The following UGT1A8 variants were observed in gnomAD, a reference collection of about 807,000 sequenced individuals.
The protein encoded by UGT1A8 is UDP glucuronosyltransferase family 1 member A8, also known as UDP-glucuronosyltransferase 1A8.
UGT1A8 carries 39 observed loss-of-function variants against 45.3 expected under a neutral mutation model. The ratio of observed to expected loss-of-function variants is 0.86; its 90% CI spans 0.67 to 1.12. UGT1A8 has a LOEUF of 1.12. Ranked by LOEUF, UGT1A8 falls within the 50% of genes most tolerant of loss-of-function variation. UGT1A8 has a pLI of 0.00. For synonymous variants in UGT1A8, 275 were observed against 249.2 expected, an observed-to-expected ratio of 1.10 and a Z score of -0.97; for missense variants, 719 against 664.9, an observed-to-expected ratio of 1.08 and a Z score of -0.90.
chr2:233,635,936 AATCTCATTTTGGC>A (rs1254574703), intron 1 of UGT1A8, among the ~76,000 whole-genome samples: 2 of 150,854 alleles, frequency 1.3e-5, no homozygotes, highest in Non-Finnish European at 2.9e-5. Flanking sequence ...CAGGGTTGTC[AATCTCATTTTGGC>A]ATTTCAGAGG....
rs553351524 is a variant in UGT1A8, at chr2:233,769,411, G to A, written c.1295+972G>A. ...ATACTGTGTGCATATGTGCGTGTGC[G>A]TTTGTGCATGTGGCTGTGCTCATGT... is the stretch of plus-strand genomic sequence containing the variant. On this transcript the variant is annotated intron_variant, in intron 4 of 4. Coordinates refer to ENST00000373450, the MANE Select transcript of UGT1A8 (RefSeq NM_019076.5). This position sits in a 1 kb window ranked among gnomAD's most constrained non-coding sequence, Gnocchi z 4.4. 25 of 1,356,294 alleles carry A rather than the reference G, an allele frequency of 1.8e-5. No individual in the cohort carries two copies. The highest frequency in any genetic ancestry group is 8.6e-5 in the African/African-American group (6 of 69,942). The allele number at this position is 1,356,294 out of a possible 1,614,324, so 84.0% of individuals were successfully genotyped here. A position where few individuals can be genotyped will look rare whatever the true frequency, so the allele number is the denominator to read the frequency against.
rs145403444 is a variant in UGT1A8 at position 233,729,793 on chromosome 2, A to G, written c.856-37241A>G. ...GCTCTACCCTCTGGCCCTGTCCTAC[A>G]TTTGCCATGCTTTTTCTGCTCCTTA... On this transcript the variant is annotated intron_variant, in intron 1 of 4. Coordinates refer to ENST00000373450, the MANE Select transcript of UGT1A8 (RefSeq NM_019076.5). The G allele has an allele frequency of 5.0e-6, 8 of 1,613,536 alleles. No individual in the cohort carries two copies. In the African/African-American group the frequency reaches 9.4e-5, roughly 19 times the overall value.
chr2:233,625,879 G>A (rs2073077097), intron 1 of UGT1A8, among the ~76,000 whole-genome samples: 2 of 151,966 alleles, frequency 1.3e-5, no homozygotes, highest in South Asian at 2.1e-4. Flanking sequence ...CCAAACATCA[G>A]CATCACACAA....
chr2:233,731,547 T>C (rs548605747), intron 1 of UGT1A8, among the ~76,000 whole-genome samples: 5 of 152,336 alleles, frequency 3.3e-5, no homozygotes, highest in African/African-American at 1.2e-4. Flanking sequence ...TGGTTTTCTG[T>C]CCATGTGATA....
In UGT1A8 at chr2:233,685,275, C is replaced by T. The variant is rs570132038; in HGVS notation, c.855+66713C>T. Among the ~76,000 whole-genome samples the T allele has an allele frequency of 9.2e-5, 14 of 152,192 alleles. No homozygotes were observed. In the South Asian group the frequency reaches 1.2e-3, roughly 14 times the overall value. On this transcript the variant is annotated intron_variant, in intron 1 of 4. Coordinates refer to ENST00000373450, the MANE Select transcript of UGT1A8 (RefSeq NM_019076.5). ...CTCTGACTCCTGACCTCAAGTGATC[C>T]GCCCGCCTCCGCCTTTCAAAGTGTT...
chr2:233,719,723 G>A, intron 1 of UGT1A8: 1 of 1,613,746 alleles, frequency 6.2e-7, no homozygotes, highest in Non-Finnish European at 8.5e-7. Context: ...CAATGTTCCA[G>A]GCAAAACACT....
At chr2:233,710,205 G>C (rs766804626) in intron 1 of UGT1A8, among the ~76,000 whole-genome samples, 1 of 152,228 alleles carries the variant, frequency 6.6e-6, no homozygotes, top group Admixed American at 6.5e-5. Context: ...CCAGTTGTTG[G>C]CTATTATGAA....
chr2:233,640,029 C>T (rs1352571529), intron 1 of UGT1A8, among the ~76,000 whole-genome samples: 1 of 152,194 alleles, frequency 6.6e-6, no homozygotes, highest in Admixed American at 6.5e-5. Context: ...GTAGGTGCAG[C>T]TCTGCAGACC....
intron 1 of UGT1A8, among the ~76,000 whole-genome samples, chr2:233,654,613 A>G (rs1421406137): frequency 6.6e-6 from 1 of 152,260 alleles, no homozygotes; most frequent in Non-Finnish European, 1.5e-5. Flanking sequence ...CCACAGCCCT[A>G]TAAAATGCAA....
intron 1 of UGT1A8, among the ~76,000 whole-genome samples, chr2:233,709,572 T>G (rs1359282457): frequency 6.6e-6 from 1 of 152,130 alleles, no homozygotes; most frequent in African/African-American, 2.4e-5. Context: ...AACTTAAAAT[T>G]CAAAAAATAT....
Position 233,617,838 on chromosome 2 carries a change from T to G in UGT1A8, c.131T>G (p.Val44Gly). The part of the protein sequence containing the change: ...DGSHWFTMQS[V>G]VEKLILRGHE... ...AGTCACTGGTTCACCATGCAGTCGG[T>G]GGTGGAGAAACTTATCCTCAGGGGG... Residue 44 changes from valine (V) to glycine (G), a missense_variant, in exon 1 of 5, where the codon GTG becomes GGG. Coordinates refer to ENST00000373450, the MANE Select transcript of UGT1A8 (RefSeq NM_019076.5). The G allele has an allele frequency of 1.2e-6, 2 of 1,614,046 alleles. No homozygotes were observed. The highest frequency in any genetic ancestry group is 1.7e-6 in the Non-Finnish European group (2 of 1,179,990).
At chr2:233,676,183 A>G (rs558904724) in intron 1 of UGT1A8, among the ~76,000 whole-genome samples, 11 of 152,186 alleles carry the variant, frequency 7.2e-5, no homozygotes, top group Admixed American at 6.5e-4. Context: ...TCATCCAGCC[A>G]CCTCCCACCA....
intron 1 of UGT1A8, among the ~76,000 whole-genome samples, chr2:233,673,558 T>C (rs976174628): frequency 1.3e-5 from 2 of 152,052 alleles, no homozygotes; most frequent in African/African-American, 4.8e-5. Flanking sequence ...TGGCATTTTT[T>C]TGCTATTGTG....
chr2:233,652,776 G>T (rs1241807585), intron 1 of UGT1A8, among the ~76,000 whole-genome samples: 6 of 152,198 alleles, frequency 3.9e-5, no homozygotes, highest in African/African-American at 1.2e-4. Flanking sequence ...ACATGCAAAA[G>T]AATGAAGATG....
intron 1 of UGT1A8, chr2:233,708,774 A>G (rs2076040935): frequency 6.7e-6 from 1 of 149,962 alleles, no homozygotes; most frequent in South Asian, 2.1e-4. Context: ...CCCCAAATCA[A>G]TGCAACCTGT....
At chr2:233,715,494 CA>C (rs1394271986) in intron 1 of UGT1A8, among the ~76,000 whole-genome samples, 9 of 152,174 alleles carry the variant, frequency 5.9e-5, no homozygotes, top group African/African-American at 2.2e-4. Context: ...GATTTGTGTG[CA>C]AGTGGGTAGC....
chr2:233,683,804 T>A (rs1006776761), intron 1 of UGT1A8, among the ~76,000 whole-genome samples: 3 of 152,222 alleles, frequency 2.0e-5, no homozygotes, highest in Non-Finnish European at 4.4e-5. Flanking sequence ...TTGTATGTAG[T>A]CATATTACTA....
intron 1 of UGT1A8, among the ~76,000 whole-genome samples, chr2:233,621,915 G>A (rs940731388): frequency 3.4e-4 from 52 of 152,176 alleles, no homozygotes; most frequent in African/African-American, 1.2e-3. Flanking sequence ...AGTGTGCGAT[G>A]TTCCCCTCCC....
rs1342318233 is a variant in UGT1A8, at chr2:233,708,605, G to C, written c.856-58429G>C. ...CTTCACTACAGAAAGTAAAAACCTA[G>C]CTGGACATGGTAGCGTGTGCCTGTA... On this transcript the variant is annotated intron_variant, in intron 1 of 4. Coordinates refer to ENST00000373450, the MANE Select transcript of UGT1A8 (RefSeq NM_019076.5). 3 of 152,208 alleles carry C rather than the reference G, an allele frequency of 2.0e-5. No individual in the cohort carries two copies. In the East Asian group the frequency reaches 5.8e-4, roughly 30 times the overall value. 9.4% of individuals were successfully genotyped at this position (152,208 alleles called of 1,614,324 possible).
Sources: gnomAD v4.1 joint callset for allele counts (sites outside exome capture counted in the v4.1 genomes callset) on GRCh38, gnomAD v4.1.1 for gene constraint, Gnocchi (gnomAD v3.1) non-coding constraint, MANE v1.5 for transcripts, NCBI Gene and HGNC (gene_info 2026-07-23, HGNC 2026-07-21) for gene names.